ATP8A2: variants seen among roughly 807,000 people sequenced by gnomAD.
ATP8A2 encodes the protein ATPase phospholipid transporting 8A2, also known as phospholipid-transporting ATPase IB.
ATP8A2 carries 100 observed loss-of-function variants against 165.6 expected under a neutral mutation model. That is an observed-to-expected ratio of 0.60 (90% confidence interval 0.51 to 0.71). The LOEUF (loss-of-function observed/expected upper bound fraction) is 0.71, where lower values mean the gene tolerates loss of function less well. Among genes scored for constraint, ATP8A2 ranks in the 30% least tolerant of loss-of-function variants. The probability of loss-of-function intolerance (pLI) is 0.00; values close to 1 mark genes in which losing one functional copy is unlikely to be tolerated. For synonymous variants in ATP8A2, 543 were observed against 548.8 expected (o/e 0.99, Z 0.15); for missense variants, 1,227 against 1,479.5 (o/e 0.83, Z 2.80).
intron 2 of ATP8A2, among the ~76,000 whole-genome samples, chr13:25,490,277 G>A (rs928062246): frequency 6.6e-6 from 1 of 152,218 alleles, no homozygotes; most frequent in Non-Finnish European, 1.5e-5. Context: ...TGAGCCGTAA[G>A]GTGGGTGCTT....
chr13:25,974,234 A>G (rs1189970315), intron 35 of ATP8A2, among the ~76,000 whole-genome samples: 1 of 152,232 alleles, frequency 6.6e-6, no homozygotes, highest in Non-Finnish European at 1.5e-5. Flanking sequence ...GATTAAATCT[A>G]TAGCCTATGT....
At chr13:25,978,966 T>G (rs1306081345) in intron 35 of ATP8A2, among the ~76,000 whole-genome samples, 1 of 151,636 alleles carries the variant, frequency 6.6e-6, no homozygotes, top group Non-Finnish European at 1.5e-5. Context: ...GGAGAAATGC[T>G]GGATGTTTTT....
rs1270436284 is a variant in ATP8A2, at chr13:25,699,100, A to G, written c.2212-73A>G. 2.5e-6 allele frequency: 3 copies of G among 1,223,776 alleles called. No homozygotes were observed. The African/African-American group carries it at 4.6e-5, about 19-fold the overall frequency. The allele number at this position is 1,223,776 out of a possible 1,614,324, so 75.8% of individuals were successfully genotyped here. A position where few individuals can be genotyped will look rare whatever the true frequency, so the allele number is the denominator to read the frequency against. On this transcript the variant is annotated intron_variant, in intron 24 of 36. Transcript: ENST00000381655. ...GGTGTGTTCTCATTTCAAGAAACTTAATTTTGAATTCTATTTTGTTTTTGA... is the reference window on the plus strand; with the variant it reads ...GGTGTGTTCTCATTTCAAGAAACTTGATTTTGAATTCTATTTTGTTTTTGA...
At chr13:25,628,221 C>T (rs1047959425) in intron 24 of ATP8A2, among the ~76,000 whole-genome samples, 2 of 152,120 alleles carry the variant, frequency 1.3e-5, no homozygotes, top group Non-Finnish European at 2.9e-5. Flanking sequence ...CATTTTAGAC[C>T]TTTTTCTGAC....
intron 24 of ATP8A2, among the ~76,000 whole-genome samples, chr13:25,668,921 C>T (rs1474301036): frequency 6.6e-6 from 1 of 152,068 alleles, no homozygotes; most frequent in East Asian, 1.9e-4. Flanking sequence ...CTGATATTAG[C>T]TATTTGCTTA....
chr13:25,890,144 G>C (rs753335807), intron 33 of ATP8A2, among the ~76,000 whole-genome samples: 1 of 151,916 alleles, frequency 6.6e-6, no homozygotes, highest in Admixed American at 6.6e-5. Context: ...CCTGGGTGAC[G>C]GCGCGAGACT....
intron 1 of ATP8A2, among the ~76,000 whole-genome samples, chr13:25,436,277 C>T (rs915392838): frequency 2.0e-5 from 3 of 152,054 alleles, no homozygotes; most frequent in Non-Finnish European, 4.4e-5. Context: ...GTCCCCAATC[C>T]AGCAGTCCCA....
chr13:25,557,680 G>A (rs1161753087), intron 13 of ATP8A2, among the ~76,000 whole-genome samples: 4 of 152,146 alleles, frequency 2.6e-5, no homozygotes, highest in African/African-American at 7.2e-5. Context: ...ACAGTGTGCA[G>A]TATATAATTG....
chr13:25,455,271 G>A lies in ATP8A2; in HGVS notation c.77-13706G>A, dbSNP rs185502054. Among the ~76,000 whole-genome samples, 109 of 152,308 alleles carry A rather than the reference G, an allele frequency of 7.2e-4. 1 individual carries two copies. The highest frequency in any genetic ancestry group is 1.5e-4 in the Non-Finnish European group (10 of 68,034). ...TTGTGGCCCTCCTTGCTGCTAGTGC[G>A]TTGGCAGTGTATGTAGAGTCGAGTG... On this transcript the variant is annotated intron_variant, in intron 1 of 36. Transcript: ENST00000381655.
At chr13:25,571,892 T>C in intron 18 of ATP8A2, 200 bp downstream of exon 18, 1 of 607,024 alleles carries the variant, frequency 1.6e-6, no homozygotes, top group Non-Finnish European at 3.0e-6. Flanking sequence ...CCCTTCAAGA[T>C]GCTTTTCCAC....
chr13:25,854,172 A>G (rs962463621), intron 30 of ATP8A2, among the ~76,000 whole-genome samples: 1 of 152,086 alleles, frequency 6.6e-6, no homozygotes, highest in African/African-American at 2.4e-5. Flanking sequence ...TAAAATATGA[A>G]TCATTTGGTA....
chr13:25,997,472 A>G (rs1590426), intron 35 of ATP8A2, among the ~76,000 whole-genome samples: 1 of 151,954 alleles, frequency 6.6e-6, no homozygotes, highest in Non-Finnish European at 1.5e-5. Flanking sequence ...TATATTGTTC[A>G]TCAAAATTGG....
intron 1 of ATP8A2, among the ~76,000 whole-genome samples, chr13:25,441,774 C>T (rs1354884694): frequency 6.6e-6 from 1 of 152,150 alleles, no homozygotes; most frequent in Non-Finnish European, 1.5e-5. Context: ...AATTTACTAT[C>T]TCATCATTTT....
chr13:25,994,355 G>T (rs1224594694), intron 35 of ATP8A2, among the ~76,000 whole-genome samples: 1 of 151,964 alleles, frequency 6.6e-6, no homozygotes, highest in Admixed American at 6.6e-5. Flanking sequence ...TCTGGTCCCT[G>T]TATTTTTTAT....
At chr13:25,433,975 AGT>A (rs2034683931) in intron 1 of ATP8A2, among the ~76,000 whole-genome samples, 1 of 152,144 alleles carries the variant, frequency 6.6e-6, no homozygotes, top group Non-Finnish European at 1.5e-5. Context: ...GCTCCAAAAG[AGT>A]GGGAGTGCTG....
intron 11 of ATP8A2, among the ~76,000 whole-genome samples, chr13:25,551,911 C>T (rs932463539): frequency 1.3e-5 from 2 of 151,588 alleles, no homozygotes; most frequent in Admixed American, 6.6e-5. Flanking sequence ...GTTGTCAACT[C>T]CAAAATAGTG....
At chr13:25,793,251 A>T (rs1186196939) in intron 27 of ATP8A2, among the ~76,000 whole-genome samples, 1 of 152,180 alleles carries the variant, frequency 6.6e-6, no homozygotes, top group African/African-American at 2.4e-5. Context: ...CAGTACAAAG[A>T]CTTTTTCACA....
intron 2 of ATP8A2, among the ~76,000 whole-genome samples, chr13:25,513,119 G>C (rs1465268812): frequency 2.0e-5 from 3 of 151,846 alleles, no homozygotes; most frequent in Non-Finnish European, 4.4e-5. Flanking sequence ...TCACTTCCCA[G>C]ACGGGGTGGC....
At chr13:25,995,552 C>A (rs1465093889) in intron 35 of ATP8A2, among the ~76,000 whole-genome samples, 1 of 151,162 alleles carries the variant, frequency 6.6e-6, no homozygotes, top group Non-Finnish European at 1.5e-5. Flanking sequence ...TTTCTTTATC[C>A]TTTATTATTT....
Sources: allele counts gnomAD v4.1 joint callset (sites outside exome capture counted in the v4.1 genomes callset), GRCh38; gene constraint gnomAD v4.1.1; transcripts MANE v1.5; gene names NCBI Gene and HGNC (gene_info 2026-07-23, HGNC 2026-07-21).